The following GABRB3 variants were observed in gnomAD, a reference collection of about 807,000 sequenced individuals.
GABRB3 encodes the protein gamma-aminobutyric acid type A receptor subunit beta3, also known as gamma-aminobutyric acid receptor subunit beta-3.
A neutral mutation model predicts 52.1 loss-of-function variants in GABRB3; 14 were observed. The observed-to-expected ratio is 0.27, with a 90% confidence interval of 0.18 to 0.42. The LOEUF (loss-of-function observed/expected upper bound fraction) is 0.42, where lower values mean the gene tolerates loss of function less well. Ranked by LOEUF, GABRB3 falls within the 10% of genes least tolerant of loss-of-function variation. The pLI, the probability that GABRB3 is intolerant of heterozygous loss-of-function variation, is 1.00. For missense variants in GABRB3, 307 were observed against 609.1 expected, an observed-to-expected ratio of 0.50 and a Z score of 5.22; for synonymous variants, 260 against 232.3, an observed-to-expected ratio of 1.12 and a Z score of -1.08.
At chr15:26,614,236 A>C (rs1211028742) in intron 4 of GABRB3, 1 of 152,190 alleles carries the variant, frequency 6.6e-6, no homozygotes, top group Non-Finnish European at 1.5e-5. Flanking sequence ...CTGTGTTTCC[A>C]ACTAAAGTTT....
chr15:26,695,057 G>C (rs895117885), intron 3 of GABRB3, among the ~76,000 whole-genome samples: 1 of 152,020 alleles, frequency 6.6e-6, no homozygotes, highest in African/African-American at 2.4e-5. Context: ...GAACCATGGG[G>C]CAATTATAAA....
intron 4 of GABRB3, among the ~76,000 whole-genome samples, chr15:26,600,102 T>C (rs1595471758): frequency 6.6e-6 from 1 of 151,650 alleles, no homozygotes; most frequent in South Asian, 2.1e-4. Context: ...ACTAAAAAAT[T>C]TAATAGAAAA....
rs71420014 is a variant in GABRB3 at position 26,628,673 on chromosome 15, C to CAAA, written c.241-7142_241-7140dup. 7.2e-3 allele frequency among the ~76,000 whole-genome samples: 1,082 copies of CAAA among 149,282 alleles called. 16 individuals carry two copies. Among genetic ancestry groups the CAAA allele is most frequent in the African/African-American group, 0.024 (981 of 40,658 alleles). On this transcript the variant is annotated intron_variant, in intron 3 of 8. Coordinates refer to ENST00000311550, the MANE Select transcript of GABRB3 (RefSeq NM_000814.6). ...AACTGACCCTACACAGCTATTTTCGCAAAAAAAACAAAAAAACAAAAAAAC... is the reference window on the plus strand; with the variant it reads ...AACTGACCCTACACAGCTATTTTCGCAAAAAAAAAAACAAAAAAACAAAAAAAC...
At chr15:26,677,068 CA>C (rs1271602521) in intron 3 of GABRB3, among the ~76,000 whole-genome samples, 1 of 152,148 alleles carries the variant, frequency 6.6e-6, no homozygotes, top group East Asian at 1.9e-4. Context: ...CATGGAATAA[CA>C]TCGATAAGTT....
chr15:26,728,591 C>T (rs949773230), intron 3 of GABRB3, among the ~76,000 whole-genome samples: 9 of 152,190 alleles, frequency 5.9e-5, no homozygotes, highest in African/African-American at 1.9e-4. Flanking sequence ...ACAGCACACG[C>T]TGCCAACACA....
chr15:26,742,621 T>C (rs1044971484), intron 3 of GABRB3, among the ~76,000 whole-genome samples: 1 of 152,224 alleles, frequency 6.6e-6, no homozygotes, highest in Admixed American at 6.5e-5. Context: ...TAAATCCCCA[T>C]GTATGAATGT....
intron 3 of GABRB3, among the ~76,000 whole-genome samples, chr15:26,643,979 A>T (rs978528407): frequency 1.3e-5 from 2 of 152,164 alleles, no homozygotes; most frequent in African/African-American, 4.8e-5. Flanking sequence ...ACATCCACAG[A>T]AATATTACAC....
chr15:26,548,265 G>A, intron 8 of GABRB3, 131 bp from the exon 9 acceptor site: 1 of 779,888 alleles, frequency 1.3e-6, no homozygotes. Flanking sequence ...GTCAAATCCA[G>A]CACTCCGTTT....
intron 4 of GABRB3, among the ~76,000 whole-genome samples, chr15:26,616,303 G>A (rs74004617): frequency 7.3e-5 from 11 of 151,278 alleles, no homozygotes; most frequent in African/African-American, 1.7e-4. Context: ...AAGAATATGC[G>A]TATATGAGTT....
intron 4 of GABRB3, among the ~76,000 whole-genome samples, chr15:26,605,959 G>A (rs537472874): frequency 6.6e-6 from 1 of 152,216 alleles, no homozygotes; most frequent in Admixed American, 6.5e-5. Context: ...CGAATACGAA[G>A]GAGGCACGTC....
chr15:26,765,658 CAT>C (rs1890977193), intron 3 of GABRB3, among the ~76,000 whole-genome samples: 1 of 152,128 alleles, frequency 6.6e-6, no homozygotes, highest in South Asian at 2.1e-4. Flanking sequence ...AAGAACGGCT[CAT>C]AGAAACAGCC....
Position 26,580,814 on chromosome 15 carries a change from T to C in GABRB3, c.545-358A>G, listed in dbSNP as rs1890761429. 6 of 372,184 alleles carry C rather than the reference T, an allele frequency of 1.6e-5. 1 individual carries two copies. Among genetic ancestry groups the C allele is most frequent in the South Asian group, 1.3e-4 (6 of 46,388 alleles). 23.1% of individuals were successfully genotyped at this position (372,184 alleles called of 1,614,324 possible). Reference sequence around the variant, plus strand: ...TAAGATAGTTTTAAGAGAATGAGAATTGAAGTATGAAGAATTCCAGAAAGG... The same window carrying C: ...TAAGATAGTTTTAAGAGAATGAGAACTGAAGTATGAAGAATTCCAGAAAGG... On this transcript the variant is annotated intron_variant, in intron 5 of 8. Transcript: ENST00000311550.
chr15:26,725,800 T>G (rs1181516095), intron 3 of GABRB3, among the ~76,000 whole-genome samples: 2 of 152,236 alleles, frequency 1.3e-5, no homozygotes, highest in Non-Finnish European at 2.9e-5. Context: ...AAGGCAATCA[T>G]GTATAACATT....
chr15:26,624,063 G>T, intron 3 of GABRB3: 1 of 316,532 alleles, frequency 3.2e-6, no homozygotes, highest in Non-Finnish European at 4.6e-6. Context: ...AGAAGGGATG[G>T]TGTGCAGAGG....
intron 4 of GABRB3, among the ~76,000 whole-genome samples, chr15:26,607,733 C>CAAATA (rs934166433): frequency 4.6e-5 from 7 of 151,586 alleles, no homozygotes; most frequent in Non-Finnish European, 1.0e-4. Flanking sequence ...ACAATAGTTT[C>CAAATA]AAATAAAATA....
At chr15:26,550,372 G>A (rs755884086) in intron 8 of GABRB3, among the ~76,000 whole-genome samples, 4 of 151,970 alleles carry the variant, frequency 2.6e-5, no homozygotes, top group Admixed American at 2.0e-4. Context: ...ACATACAAAA[G>A]GCCAACAGGC....
chr15:26,624,724 G>A, intron 3 of GABRB3: 1 of 984,424 alleles, frequency 1.0e-6, no homozygotes, highest in Non-Finnish European at 1.2e-6. Context: ...ACATCAGTGG[G>A]GGCACAAATC....
intron 4 of GABRB3, among the ~76,000 whole-genome samples, chr15:26,603,167 A>C (rs1171262226): frequency 1.3e-5 from 2 of 152,018 alleles, no homozygotes; most frequent in African/African-American, 4.8e-5. Flanking sequence ...ATCTAAAAGA[A>C]ACTGATAAAT....
At chr15:26,744,258 T>A (rs1890280426) in intron 3 of GABRB3, among the ~76,000 whole-genome samples, 1 of 152,222 alleles carries the variant, frequency 6.6e-6, no homozygotes, top group Non-Finnish European at 1.5e-5. Context: ...AATTCTCAGA[T>A]ATTTCACTTA....
Sources: gnomAD v4.1 joint callset for allele counts (sites outside exome capture counted in the v4.1 genomes callset) on GRCh38, gnomAD v4.1.1 for gene constraint, MANE v1.5 for transcripts, NCBI Gene and HGNC (gene_info 2026-07-23, HGNC 2026-07-21) for gene names.